SMYD3: variants seen among roughly 807,000 people sequenced by gnomAD.
The protein encoded by SMYD3 is histone-lysine N-methyltransferase SMYD3.
Under a neutral mutation model 57.7 loss-of-function variants are expected in SMYD3, and 36 were observed. The observed-to-expected ratio is 0.62, with a 90% CI of 0.48 to 0.82. The LOEUF (loss-of-function observed/expected upper bound fraction) is 0.82, where lower values mean the gene tolerates loss of function less well. Ranked by LOEUF, SMYD3 falls within the 40% of genes least tolerant of loss-of-function variation. The probability of loss-of-function intolerance (pLI) is 0.00; values close to 1 mark genes in which losing one functional copy is unlikely to be tolerated. For missense variants in SMYD3, 515 were observed against 538.8 expected, an observed-to-expected ratio of 0.96 and a Z score of 0.44; for synonymous variants, 211 against 195.0, an observed-to-expected ratio of 1.08 and a Z score of -0.68.
intron 10 of SMYD3, among the ~76,000 whole-genome samples, chr1:245,856,565 A>T (rs768663274): frequency 2.8e-4 from 42 of 152,364 alleles, no homozygotes; most frequent in African/African-American, 6.3e-4. Context: ...GTTTAAAGTC[A>T]GTCAAACTGC....
At chr1:246,286,622 T>C (rs2064570916) in intron 5 of SMYD3, among the ~76,000 whole-genome samples, 1 of 152,192 alleles carries the variant, frequency 6.6e-6, no homozygotes, top group Non-Finnish European at 1.5e-5. Context: ...CTTGCCAATA[T>C]AAATGTAATA....
chr1:246,444,391 TG>T (rs1327043219), intron 1 of SMYD3, among the ~76,000 whole-genome samples: 2 of 152,288 alleles, frequency 1.3e-5, no homozygotes, highest in Admixed American at 6.5e-5. Context: ...CCCAAAGTGC[TG>T]GGATTACAGG....
At chr1:246,340,652 A>AT (rs1435262041) in intron 2 of SMYD3, among the ~76,000 whole-genome samples, 3 of 152,182 alleles carry the variant, frequency 2.0e-5, no homozygotes, top group Non-Finnish European at 4.4e-5. Flanking sequence ...TCTGATGGGT[A>AT]TTTGGTAATG....
At chr1:246,028,939 C>T (rs573390497) in intron 5 of SMYD3, among the ~76,000 whole-genome samples, 1 of 152,240 alleles carries the variant, frequency 6.6e-6, no homozygotes, top group South Asian at 2.1e-4. Flanking sequence ...ATATTTACAG[C>T]CAACCAATTG....
At chr1:246,281,668 T>C (rs2064445370) in intron 5 of SMYD3, among the ~76,000 whole-genome samples, 1 of 152,012 alleles carries the variant, frequency 6.6e-6, no homozygotes, top group South Asian at 2.1e-4. Context: ...CAAATGAAAA[T>C]ATTATTGAAA....
At chr1:246,244,066 TA>T (rs1237930399) in intron 5 of SMYD3, among the ~76,000 whole-genome samples, 20 of 141,704 alleles carry the variant, frequency 1.4e-4, no homozygotes, top group Non-Finnish European at 1.5e-5. Flanking sequence ...ATATATGAGT[TA>T]AAAAAACATT....
At chr1:246,130,229 T>C (rs2061567639) in intron 5 of SMYD3, among the ~76,000 whole-genome samples, 1 of 152,206 alleles carries the variant, frequency 6.6e-6, no homozygotes, top group Non-Finnish European at 1.5e-5. Flanking sequence ...AGTTTTAACG[T>C]TTAATATGTA....
intron 5 of SMYD3, among the ~76,000 whole-genome samples, chr1:246,089,240 A>C (rs2060779164): frequency 6.6e-6 from 1 of 152,026 alleles, no homozygotes; most frequent in African/African-American, 2.4e-5. Context: ...CAGCCTCCCA[A>C]AGCGCTGGGA....
At chr1:246,381,270 A>G (rs555442143) in intron 1 of SMYD3, among the ~76,000 whole-genome samples, 1 of 152,196 alleles carries the variant, frequency 6.6e-6, no homozygotes, top group Non-Finnish European at 1.5e-5. Context: ...AATAAAACTG[A>G]AGTTCTTTTA....
chr1:245,753,251 G>GAAAA (rs34929779), intron 11 of SMYD3, among the ~76,000 whole-genome samples: 1 of 111,580 alleles, frequency 9.0e-6, no homozygotes, highest in Non-Finnish European at 1.9e-5. Context: ...TGAAGCAACT[G>GAAAA]AAAAAAAAAA....
At chr1:245,806,639 G>A (rs969939709) in intron 10 of SMYD3, among the ~76,000 whole-genome samples, 5 of 152,072 alleles carry the variant, frequency 3.3e-5, no homozygotes, top group Admixed American at 6.6e-5. Flanking sequence ...GGCCGGGCGC[G>A]GTGGCTCACG....
intron 10 of SMYD3, among the ~76,000 whole-genome samples, chr1:245,785,173 C>T (rs1392610944): frequency 4.0e-5 from 6 of 151,824 alleles, no homozygotes; most frequent in South Asian, 2.1e-4. Flanking sequence ...TGAGCCATTA[C>T]GCCAGGCCAG....
At chr1:246,137,784 T>C (rs1220117411) in intron 5 of SMYD3, among the ~76,000 whole-genome samples, 1 of 152,200 alleles carries the variant, frequency 6.6e-6, no homozygotes, top group Non-Finnish European at 1.5e-5. Context: ...GGTTATAGGA[T>C]AAGCCGATTT....
chr1:246,101,932 T>C (rs941997568), intron 5 of SMYD3, among the ~76,000 whole-genome samples: 1 of 152,252 alleles, frequency 6.6e-6, no homozygotes, highest in African/African-American at 2.4e-5. Flanking sequence ...TTTGAAATTC[T>C]CTTTGTTCGG....
intron 5 of SMYD3, chr1:246,186,848 CCACA>C: frequency 1.0e-6 from 1 of 985,470 alleles, no homozygotes; most frequent in East Asian, 1.1e-4. Flanking sequence ...CACACTCTCC[CCACA>C]TCACAGGCAC....
chr1:245,765,071 C>A (rs1572272578), intron 10 of SMYD3, among the ~76,000 whole-genome samples: 2 of 121,512 alleles, frequency 1.6e-5, no homozygotes, highest in African/African-American at 6.3e-5. Context: ...CACACACACA[C>A]ACACACAAAA....
chr1:246,242,804 G>A (rs923496645), intron 5 of SMYD3, among the ~76,000 whole-genome samples: 6 of 151,898 alleles, frequency 4.0e-5, no homozygotes, highest in Non-Finnish European at 8.8e-5. Flanking sequence ...TGCAATCCTA[G>A]TCTCTGATAA....
intron 5 of SMYD3, among the ~76,000 whole-genome samples, chr1:246,148,137 G>A (rs1285209413): frequency 1.3e-5 from 2 of 152,276 alleles, no homozygotes; most frequent in East Asian, 3.9e-4. Context: ...ACCGGAGTGG[G>A]GACTTGTGGT....
At chr1:246,311,659 ACGCGCG>A (rs2065082076) in intron 5 of SMYD3, among the ~76,000 whole-genome samples, 1 of 152,176 alleles carries the variant, frequency 6.6e-6, no homozygotes, top group Non-Finnish European at 1.5e-5. Flanking sequence ...ACACACGCGC[ACGCGCG>A]CACACACACG....
Sources: gnomAD v4.1 joint callset for allele counts (sites outside exome capture counted in the v4.1 genomes callset) on GRCh38, gnomAD v4.1.1 for gene constraint, MANE v1.5 for transcripts, NCBI Gene and HGNC (gene_info 2026-07-23, HGNC 2026-07-21) for gene names.